The following PRUNE2 variants were observed in gnomAD, a reference collection of about 807,000 sequenced individuals.
The protein encoded by PRUNE2 is protein prune homolog 2.
Under a neutral mutation model 252.0 loss-of-function variants are expected in PRUNE2, and 164 were observed. That is an observed-to-expected ratio of 0.65 (90% CI 0.57 to 0.74). PRUNE2 has a LOEUF of 0.74. Among genes scored for constraint, PRUNE2 ranks in the 30% least tolerant of loss-of-function variants. The pLI is 0.00. For missense variants in PRUNE2, 3,495 were observed against 3,711.0 expected (o/e 0.94, Z 1.51); for synonymous variants, 1,292 against 1,350.2 (o/e 0.96, Z 0.94).
intron 2 of PRUNE2, among the ~76,000 whole-genome samples, chr9:76,851,816 G>A (rs979371182): frequency 6.7e-6 from 1 of 149,962 alleles, no homozygotes; most frequent in Non-Finnish European, 1.5e-5. Flanking sequence ...CAGGAGATAG[G>A]AGAGAGGTAG....
At chr9:76,872,484 T>C in intron 1 of PRUNE2, among the ~76,000 whole-genome samples, 1 of 152,066 alleles carries the variant, frequency 6.6e-6, no homozygotes, top group Non-Finnish European at 1.5e-5. Flanking sequence ...ACTTTTGCCT[T>C]TCTTCAAGGG....
At chr9:76,717,973 G>C (rs1374160639) in intron 6 of PRUNE2, among the ~76,000 whole-genome samples, 1 of 152,170 alleles carries the variant, frequency 6.6e-6, no homozygotes, top group African/African-American at 2.4e-5. Flanking sequence ...AAAAGCCTTT[G>C]TTATTTCCTG....
Position 76,652,477 on chromosome 9 carries a change from A to G in PRUNE2, c.8557+6T>C, listed in dbSNP as rs756173346. ...TAACTTTGGCCTTGCCAACTTAGTG[A>G]CTTACCATGGCCAGTGTACTCAAAA... On this transcript the variant is annotated splice_donor_region_variant and intron_variant, in intron 11 of 18. Coordinates refer to ENST00000376718, the MANE Select transcript of PRUNE2 (RefSeq NM_015225.3). 5.0e-6 allele frequency: 8 copies of G among 1,603,620 alleles called. No homozygotes were observed. Among genetic ancestry groups the G allele is most frequent in the Non-Finnish European group, 6.8e-6 (8 of 1,172,086 alleles).
At chr9:76,686,088 C>T (rs1045047279) in intron 9 of PRUNE2, among the ~76,000 whole-genome samples, 17 of 152,340 alleles carry the variant, frequency 1.1e-4, no homozygotes, top group Admixed American at 3.9e-4. Flanking sequence ...AGTAATCATA[C>T]GGCTCTGCCA....
At chr9:76,747,143 G>A (rs1220004360) in intron 6 of PRUNE2, among the ~76,000 whole-genome samples, 1 of 152,124 alleles carries the variant, frequency 6.6e-6, no homozygotes, top group African/African-American at 2.4e-5. Context: ...ACTCCCAGCT[G>A]GTGTCTGCTG....
At chr9:76,789,089 T>A (rs73653211) in intron 6 of PRUNE2, among the ~76,000 whole-genome samples, 1 of 152,178 alleles carries the variant, frequency 6.6e-6, no homozygotes, top group Non-Finnish European at 1.5e-5. Context: ...ACAATAGATA[T>A]GTTTACATTT....
At position 76,705,550 on chromosome 9, in the gene PRUNE2, GC is replaced by G; in HGVS notation, c.6723del (p.Glu2241AspfsTer46). ...CAAGAACCGTCACCTTCTGGAGTTG[GC>G]TCTTGGTGAGTTACAAAAATGCTAG... The part of the protein sequence containing the change: ...VATSIFVTHQ[E>X]PTPEGDGSWI... On this transcript the variant is annotated frameshift_variant, in exon 8 of 19. Coordinates refer to ENST00000376718, the MANE Select transcript of PRUNE2 (RefSeq NM_015225.3). LOFTEE classifies it high-confidence loss of function. The G allele has an allele frequency of 6.2e-7, 1 of 1,614,026 alleles. No individual in the cohort carries two copies. The highest frequency in any genetic ancestry group is 1.3e-5 in the African/African-American group (1 of 75,052).
intron 6 of PRUNE2, among the ~76,000 whole-genome samples, chr9:76,802,031 C>T (rs577018125): frequency 1.2e-3 from 189 of 152,198 alleles, no homozygotes; most frequent in Middle Eastern, 3.4e-3. Flanking sequence ...ATCTAACATA[C>T]TGACATTTTT....
chr9:76,904,688 CCTCAA>C (rs1462921729), intron 1 of PRUNE2, among the ~76,000 whole-genome samples: 1 of 152,222 alleles, frequency 6.6e-6, no homozygotes, highest in Non-Finnish European at 1.5e-5. Context: ...TCACAAACTT[CCTCAA>C]CTCGGAAATC....
At chr9:76,790,624 A>G (rs2055458187) in intron 6 of PRUNE2, among the ~76,000 whole-genome samples, 1 of 152,194 alleles carries the variant, frequency 6.6e-6, no homozygotes, top group Non-Finnish European at 1.5e-5. Flanking sequence ...AGCAAAGGAA[A>G]AAAGTCCACA....
At chr9:76,789,973 G>A (rs1003457965) in intron 6 of PRUNE2, among the ~76,000 whole-genome samples, 1 of 152,026 alleles carries the variant, frequency 6.6e-6, no homozygotes, top group Admixed American at 6.6e-5. Context: ...CATGAACAAG[G>A]GTCAAAAAGC....
chr9:76,870,534 A>C lies in PRUNE2; in HGVS notation c.37-16326T>G, dbSNP rs112124020. On this transcript the variant is annotated intron_variant, in intron 1 of 18. Coordinates refer to ENST00000376718, the MANE Select transcript of PRUNE2 (RefSeq NM_015225.3). ...CCCCGTCTCTACTAAAAATACAAAA[A>C]AATTAGCTGGGCGTGGTAGCGGGTG... 6.5e-3 allele frequency among the ~76,000 whole-genome samples: 982 copies of C among 152,104 alleles called. 10 individuals are homozygous for C. Among genetic ancestry groups the C allele is most frequent in the African/African-American group, 0.022 (930 of 41,466 alleles).
chr9:76,702,696 T>A (rs190389515), intron 9 of PRUNE2, among the ~76,000 whole-genome samples: 2 of 152,364 alleles, frequency 1.3e-5, no homozygotes, highest in Admixed American at 1.3e-4. Context: ...ACACTGAGAT[T>A]TGGAGACTGC....
intron 16 of PRUNE2, 86 bp downstream of exon 16, chr9:76,629,106 G>T: frequency 1.3e-6 from 1 of 756,706 alleles, no homozygotes; most frequent in Non-Finnish European, 2.2e-6. Flanking sequence ...GCCTCCCAAA[G>T]TGCTAGGATT....
At chr9:76,644,155 CT>C (rs1452556992) in intron 12 of PRUNE2, among the ~76,000 whole-genome samples, 1 of 152,208 alleles carries the variant, frequency 6.6e-6, no homozygotes, top group Non-Finnish European at 1.5e-5. Flanking sequence ...TACAAACACA[CT>C]TTTCTCTCTC....
intron 6 of PRUNE2, among the ~76,000 whole-genome samples, chr9:76,753,378 C>T (rs1213873458): frequency 6.6e-6 from 1 of 152,120 alleles, no homozygotes; most frequent in Non-Finnish European, 1.5e-5. Flanking sequence ...TTATATGAAA[C>T]TTACAATATG....
chr9:76,689,352 A>G (rs989763516), intron 9 of PRUNE2, among the ~76,000 whole-genome samples: 1 of 151,960 alleles, frequency 6.6e-6, no homozygotes, highest in African/African-American at 2.4e-5. Flanking sequence ...TAACGCATGG[A>G]CTAGATTTCT....
intron 9 of PRUNE2, among the ~76,000 whole-genome samples, chr9:76,656,466 G>A (rs1849288688): frequency 6.6e-6 from 1 of 152,070 alleles, no homozygotes; most frequent in African/African-American, 2.4e-5. Flanking sequence ...CTCTCTTACT[G>A]TACTTTGCAC....
intron 6 of PRUNE2, among the ~76,000 whole-genome samples, chr9:76,771,441 G>A (rs781324323): frequency 3.3e-5 from 5 of 152,156 alleles, no homozygotes; most frequent in Non-Finnish European, 7.3e-5. Context: ...AGAAGAAAGA[G>A]CTATGAAGCA....
Sources: allele counts gnomAD v4.1 joint callset (sites outside exome capture counted in the v4.1 genomes callset), GRCh38; gene constraint gnomAD v4.1.1; transcripts MANE v1.5; gene names NCBI Gene and HGNC (gene_info 2026-07-23, HGNC 2026-07-21).